Variants in LDB2 observed in about 807,000 individuals in gnomAD.
LDB2 encodes LIM domain binding 2.
Under a neutral mutation model 44.3 loss-of-function variants are expected in LDB2, and 12 were observed. That is an observed-to-expected ratio of 0.27 (90% CI 0.17 to 0.44). The LOEUF is 0.44. Among genes scored for constraint, LDB2 ranks in the 20% least tolerant of loss-of-function variants. LDB2 has a pLI of 1.00. For synonymous variants in LDB2, 164 were observed against 174.8 expected, an observed-to-expected ratio of 0.94 and a Z score of 0.49; for missense variants, 344 against 473.5, an observed-to-expected ratio of 0.73 and a Z score of 2.54.
intron 1 of LDB2, among the ~76,000 whole-genome samples, chr4:16,801,663 AT>A: frequency 6.6e-6 from 1 of 152,328 alleles, no homozygotes; most frequent in East Asian, 1.9e-4. Context: ...CAACATAATA[AT>A]GTTCATCACT....
chr4:16,516,316 C>T (rs973625156), intron 5 of LDB2, among the ~76,000 whole-genome samples: 1 of 152,164 alleles, frequency 6.6e-6, no homozygotes, highest in Non-Finnish European at 1.5e-5. Context: ...ATTTAATAAT[C>T]TGTAGATATT....
intron 2 of LDB2, among the ~76,000 whole-genome samples, chr4:16,735,231 T>C (rs907685408): frequency 3.3e-5 from 5 of 152,020 alleles, no homozygotes; most frequent in African/African-American, 1.2e-4. Context: ...AGTCCCCTGA[T>C]ATGGTGGGAG....
At chr4:16,586,050 G>C (rs754978296) in intron 4 of LDB2, 45 bp from the exon 5 acceptor site, 1 of 1,441,202 alleles carries the variant, frequency 6.9e-7, no homozygotes, top group Non-Finnish European at 9.7e-7. Context: ...ACTACAGGAC[G>C]GTCCTGAGAA....
intron 1 of LDB2, among the ~76,000 whole-genome samples, chr4:16,779,084 T>C (rs1772587411): frequency 6.6e-6 from 1 of 152,148 alleles, no homozygotes; most frequent in Non-Finnish European, 1.5e-5. Context: ...CTAGGAAACA[T>C]GGGGGAATGA....
chr4:16,693,834 A>T (rs1468383556), intron 2 of LDB2, among the ~76,000 whole-genome samples: 5 of 152,210 alleles, frequency 3.3e-5, no homozygotes, highest in African/African-American at 1.2e-4. Flanking sequence ...ACTAGCCAGA[A>T]TGGGGAAGAA....
chr4:16,714,589 C>T (rs1303326240), intron 2 of LDB2, among the ~76,000 whole-genome samples: 1 of 152,120 alleles, frequency 6.6e-6, no homozygotes, highest in Non-Finnish European at 1.5e-5. Flanking sequence ...TGAAACAGCC[C>T]AGCCTGGTAG....
chr4:16,816,407 C>CTTTTTTT (rs1171864969), intron 1 of LDB2, among the ~76,000 whole-genome samples: 23 of 120,982 alleles, frequency 1.9e-4, no homozygotes, highest in Non-Finnish European at 2.4e-4. Flanking sequence ...CTTTTTCTTT[C>CTTTTTTT]TTTTTTTTTT....
At chr4:16,574,093 T>G (rs954348900) in intron 5 of LDB2, among the ~76,000 whole-genome samples, 6 of 152,218 alleles carry the variant, frequency 3.9e-5, no homozygotes, top group African/African-American at 1.4e-4. Flanking sequence ...CTCCTGTTGC[T>G]ATCAGCGGAG....
intron 1 of LDB2, among the ~76,000 whole-genome samples, chr4:16,812,610 A>ATATATATATATATATC (rs1780102099): frequency 1.0e-5 from 1 of 96,384 alleles, no homozygotes; most frequent in African/African-American, 3.5e-5. Context: ...ATATATATAT[A>ATATATATATATATATC]TATATCTGTG....
chr4:16,863,552 A>C (rs947665425), intron 1 of LDB2, among the ~76,000 whole-genome samples: 2 of 152,098 alleles, frequency 1.3e-5, no homozygotes, highest in Admixed American at 6.5e-5. Flanking sequence ...ACCCCTCTGC[A>C]AGGAGCTGGA....
chr4:16,567,686 C>T (rs1415390291), intron 5 of LDB2, among the ~76,000 whole-genome samples: 2 of 152,146 alleles, frequency 1.3e-5, no homozygotes, highest in African/African-American at 2.4e-5. Flanking sequence ...AGGAGAATGG[C>T]GTGAACCCGG....
intron 1 of LDB2, among the ~76,000 whole-genome samples, chr4:16,847,191 C>T (rs57078063): frequency 0.056 from 8,525 of 152,160 alleles, 716 homozygotes; most frequent in African/African-American, 0.18. Context: ...AATATTTATG[C>T]TCACTAGTAA....
chr4:16,557,346 T>A (rs900125573), intron 5 of LDB2, among the ~76,000 whole-genome samples: 23 of 152,148 alleles, frequency 1.5e-4, no homozygotes, highest in African/African-American at 5.3e-4. Flanking sequence ...GAAAATCGGG[T>A]CACTCCCACC....
chr4:16,678,415 A>G lies in LDB2; in HGVS notation c.235+80743T>C, dbSNP rs140766530. On this transcript the variant is annotated intron_variant, in intron 2 of 7. Transcript: ENST00000304523. ...TATTCTTACTCCTAGTTGTTCATCA[A>G]GTGTCTGATTTATGTGTGTCCCAAT... 5.9e-3 allele frequency among the ~76,000 whole-genome samples: 900 copies of G among 152,306 alleles called. 7 individuals are homozygous for G. The highest frequency in any genetic ancestry group is 0.02 in the African/African-American group (847 of 41,568).
intron 5 of LDB2, among the ~76,000 whole-genome samples, chr4:16,571,586 G>A (rs1246431355): frequency 6.6e-6 from 1 of 152,188 alleles, no homozygotes; most frequent in Non-Finnish European, 1.5e-5. Flanking sequence ...TGTAATCCCA[G>A]CCTGGCGGTT....
intron 2 of LDB2, among the ~76,000 whole-genome samples, chr4:16,744,154 T>G (rs186541315): frequency 6.7e-6 from 1 of 149,168 alleles, no homozygotes; most frequent in East Asian, 1.9e-4. Flanking sequence ...GTGGTTTGTT[T>G]GTTTGTTTGT....
intron 2 of LDB2, among the ~76,000 whole-genome samples, chr4:16,614,573 G>GAAAAAAAAA (rs1282791131): frequency 2.2e-4 from 6 of 26,760 alleles, no homozygotes; most frequent in Non-Finnish European, 4.2e-4. Flanking sequence ...ACATTTACAA[G>GAAAAAAAAA]AAAAAACAAA....
chr4:16,805,752 C>G (rs1579832395), intron 1 of LDB2, among the ~76,000 whole-genome samples: 1 of 152,198 alleles, frequency 6.6e-6, no homozygotes. Flanking sequence ...CATGTAGAAT[C>G]AACTAGAGTA....
rs1213905183 is a variant in LDB2, at chr4:16,821,386, T to A, written c.133-62126A>T. Among the ~76,000 whole-genome samples, 5 of 24,706 alleles carry A rather than the reference T, an allele frequency of 2.0e-4. No individual in the cohort carries two copies. In the Admixed American group the frequency reaches 3.7e-3, roughly 18 times the overall value. The allele number at this position is 24,706 out of a possible 152,430, so 16.2% of individuals were successfully genotyped here. On this transcript the variant is annotated intron_variant, in intron 1 of 7. Transcript: ENST00000304523. ...ACATGGAATATTTGAATTTTTTTTT[T>A]ATTTTTTTTTTTTTGGAGACGGAGT...
Sources: allele counts gnomAD v4.1 joint callset (sites outside exome capture counted in the v4.1 genomes callset), GRCh38; gene constraint gnomAD v4.1.1; transcripts MANE v1.5; gene names NCBI Gene and HGNC (gene_info 2026-07-23, HGNC 2026-07-21).